Variants in STX6 observed in about 807,000 individuals in gnomAD.
The protein encoded by STX6 is syntaxin-6.
Under a neutral mutation model 38.0 loss-of-function variants are expected in STX6, and 23 were observed. That is an observed-to-expected ratio of 0.60 (90% CI 0.43 to 0.86). The LOEUF (loss-of-function observed/expected upper bound fraction) is 0.86. Ranked by LOEUF, STX6 falls within the 40% of genes least tolerant of loss-of-function variation. The pLI, the probability that STX6 is intolerant of heterozygous loss-of-function variation, is 0.00. For missense variants in STX6, 274 were observed against 312.9 expected (o/e 0.88, Z 0.94); for synonymous variants, 123 against 107.5 (o/e 1.14, Z -0.89).
chr1:181,014,393 CAA>C (rs11334153), intron 1 of STX6, among the ~76,000 whole-genome samples: 37 of 138,770 alleles, frequency 2.7e-4, no homozygotes, highest in Middle Eastern at 3.6e-3. Context: ...GACTCCATCT[CAA>C]AAAAAAAAAA....
chr1:180,983,114 A>C (rs1464678966), intron 7 of STX6, among the ~76,000 whole-genome samples: 1 of 152,384 alleles, frequency 6.6e-6, no homozygotes. Context: ...TATTTCATTT[A>C]ATCCTCACAA....
At chr1:180,990,161 T>A in intron 4 of STX6, 52 bp from the exon 5 acceptor site, 2 of 1,605,900 alleles carry the variant, frequency 1.2e-6, no homozygotes, top group Non-Finnish European at 1.7e-6. Context: ...AATTACTATC[T>A]CTGAACAAGT....
intron 5 of STX6, chr1:180,988,910 A>G (rs1039589356): frequency 1.3e-5 from 2 of 152,422 alleles, no homozygotes; most frequent in Non-Finnish European, 2.9e-5. Context: ...CTCACTTTCT[A>G]TAGAAAAAAA....
chr1:181,005,898 T>A (rs970941681), intron 1 of STX6, among the ~76,000 whole-genome samples: 52 of 152,206 alleles, frequency 3.4e-4, no homozygotes, highest in Admixed American at 2.9e-3. Context: ...GGAATGAGAA[T>A]GCTGGAGGGA....
chr1:180,984,088 A>AAAAAAAAAAAAC lies in STX6; in HGVS notation c.691+588_691+589insGTTTTTTTTTTT, dbSNP rs57204299. 3.7e-4 allele frequency among the ~76,000 whole-genome samples: 38 copies of AAAAAAAAAAAAC among 101,462 alleles called. 5 individuals are homozygous for AAAAAAAAAAAAC. The highest frequency in any genetic ancestry group is 5.8e-4 in the Non-Finnish European group (24 of 41,130). 66.6% of individuals were successfully genotyped at this position (101,462 alleles called of 152,430 possible). A position where few individuals can be genotyped will look rare whatever the true frequency, so the allele number is the denominator to read the frequency against. On this transcript the variant is annotated intron_variant, in intron 7 of 7. Transcript: ENST00000258301. The stretch of plus-strand genomic sequence containing the variant: ...CAAAAAAAAAAAAAAAAAAAAAAAA[A>AAAAAAAAAAAAC]AACACAACGAAAGTGACTCTACTGG...
chr1:180,977,553 G>GA (rs1655291569), intron 7 of STX6, among the ~76,000 whole-genome samples: 1 of 152,194 alleles, frequency 6.6e-6, no homozygotes, highest in East Asian at 1.9e-4. Flanking sequence ...GAGACATGTA[G>GA]AAAAAATGAG....
At chr1:181,001,010 A>G (rs1656066284) in intron 3 of STX6, among the ~76,000 whole-genome samples, 1 of 152,174 alleles carries the variant, frequency 6.6e-6, no homozygotes, top group Non-Finnish European at 1.5e-5. Context: ...TGTCCAATCC[A>G]AACACTCACT....
intron 6 of STX6, among the ~76,000 whole-genome samples, chr1:180,987,567 C>T (rs955592528): frequency 3.3e-5 from 5 of 152,110 alleles, no homozygotes; most frequent in African/African-American, 4.8e-5. Flanking sequence ...AACGTAATAT[C>T]GAGACAGGAA....
chr1:180,997,021 AATCAT>A (rs1369463735), intron 3 of STX6, among the ~76,000 whole-genome samples: 1 of 152,272 alleles, frequency 6.6e-6, no homozygotes, highest in African/African-American at 2.4e-5. Flanking sequence ...TGATTAAATA[AATCAT>A]AACAGAGCCA....
intron 1 of STX6, among the ~76,000 whole-genome samples, chr1:181,018,649 G>T (rs114677278): frequency 6.6e-6 from 1 of 151,896 alleles, no homozygotes; most frequent in African/African-American, 2.4e-5. Context: ...ATTCTGTTCC[G>T]AACAGGACAT....
intron 1 of STX6, among the ~76,000 whole-genome samples, chr1:181,006,131 T>C (rs111703215): frequency 0.014 from 2,074 of 152,218 alleles, 55 homozygotes; most frequent in African/African-American, 0.047. Context: ...GGTGCGATCT[T>C]GGCTCACTGC....
chr1:180,994,555 A>G (rs746397295), intron 3 of STX6, among the ~76,000 whole-genome samples: 5 of 152,232 alleles, frequency 3.3e-5, no homozygotes, highest in Non-Finnish European at 7.3e-5. Flanking sequence ...GCTCAGTGAA[A>G]TAAGCCAGGC....
intron 1 of STX6, among the ~76,000 whole-genome samples, chr1:181,012,093 C>G (rs1204190156): frequency 6.6e-6 from 1 of 152,074 alleles, no homozygotes; most frequent in Non-Finnish European, 1.5e-5. Flanking sequence ...CAGTATATAC[C>G]TTGAAGCAGG....
intron 7 of STX6, among the ~76,000 whole-genome samples, chr1:180,977,101 T>C (rs1173071933): frequency 6.6e-6 from 1 of 152,234 alleles, no homozygotes; most frequent in East Asian, 1.9e-4. Context: ...CTACTGCTGG[T>C]CACTTCAGGA....
chr1:181,014,050 A>C (rs1656484158), intron 1 of STX6, among the ~76,000 whole-genome samples: 1 of 152,246 alleles, frequency 6.6e-6, no homozygotes, highest in South Asian at 2.1e-4. Flanking sequence ...CCCAGGTTCA[A>C]AGGAAGGGAA....
intron 5 of STX6, chr1:180,989,112 T>G (rs1655674033): frequency 6.6e-6 from 1 of 152,258 alleles, no homozygotes; most frequent in South Asian, 2.1e-4. Context: ...TACAGCTACA[T>G]ATCAAAGGCA....
At position 180,973,457 on chromosome 1, in the gene STX6, T is replaced by C. The variant is rs1457375192; in HGVS notation, c.*3113A>G. 1 of 152,682 alleles carries C rather than the reference T, an allele frequency of 6.5e-6. No homozygotes were observed. The highest frequency in any genetic ancestry group is 1.5e-5 in the Non-Finnish European group (1 of 68,048). The allele number at this position is 152,682 out of a possible 1,614,324, so 9.5% of individuals were successfully genotyped here. On this transcript the variant is annotated 3_prime_UTR_variant, in exon 8 of 8. Transcript: ENST00000258301. ...AACACTTAACAGAGACAGATTTCTG[T>C]TGGAGTTAGACTAGATTTCTTTTCA... is the stretch of plus-strand genomic sequence containing the variant.
intron 6 of STX6, among the ~76,000 whole-genome samples, chr1:180,987,515 C>T (rs748731298): frequency 5.9e-5 from 9 of 152,208 alleles, no homozygotes; most frequent in Non-Finnish European, 1.2e-4. Flanking sequence ...GTGTAGAACA[C>T]GGGCCCACTA....
intron 7 of STX6, among the ~76,000 whole-genome samples, chr1:180,981,913 A>C (rs1655429422): frequency 2.0e-5 from 3 of 152,230 alleles, no homozygotes; most frequent in Non-Finnish European, 4.4e-5. Context: ...AGAGCGGAAC[A>C]AAAGAACTCC....
Sources: allele counts gnomAD v4.1 joint callset (sites outside exome capture counted in the v4.1 genomes callset), GRCh38; gene constraint gnomAD v4.1.1; transcripts MANE v1.5; gene names NCBI Gene and HGNC (gene_info 2026-07-23, HGNC 2026-07-21).